Variants in VGLL2 observed in about 807,000 individuals in gnomAD.
The protein encoded by VGLL2 is vestigial like family member 2, also known as transcription cofactor vestigial-like protein 2.
Under a neutral mutation model 27.0 loss-of-function variants are expected in VGLL2, and 18 were observed. The observed-to-expected ratio is 0.67, with a 90% CI of 0.46 to 0.99. The LOEUF is 0.99. Among genes scored for constraint, VGLL2 ranks in the 50% least tolerant of loss-of-function variants. VGLL2 has a pLI of 0.00. For missense variants in VGLL2, 491 were observed against 452.3 expected, an observed-to-expected ratio of 1.09 and a Z score of -0.78; for synonymous variants, 220 against 201.1, an observed-to-expected ratio of 1.09 and a Z score of -0.80.
intron 1 of VGLL2, among the ~76,000 whole-genome samples, chr6:117,267,267 T>G (rs1773086189): frequency 6.6e-6 from 1 of 152,198 alleles, no homozygotes; most frequent in Non-Finnish European, 1.5e-5. Flanking sequence ...TAACACTTCA[T>G]TCAGTCCATT....
chr6:117,265,948 TC>T (rs2128516279), intron 1 of VGLL2, 104 bp downstream of exon 1: 2 of 1,100,070 alleles, frequency 1.8e-6, no homozygotes, highest in South Asian at 1.3e-5. Context: ...GTCTCGGGCG[TC>T]CGACCACGAC....
In VGLL2 at chr6:117,272,788, A is replaced by G; in HGVS notation, c.*294A>G. 1 of 468,748 alleles carries G rather than the reference A, an allele frequency of 2.1e-6. No homozygotes were observed. The highest frequency in any genetic ancestry group is 3.6e-5 in the East Asian group (1 of 27,848). 29.0% of individuals were successfully genotyped at this position (468,748 alleles called of 1,614,324 possible). A position where few individuals can be genotyped will look rare whatever the true frequency, so the allele number is the denominator to read the frequency against. On this transcript the variant is annotated 3_prime_UTR_variant, in exon 4 of 4. Transcript: ENST00000326274. ...GATGTGATATCATAAGCTTTCTTGG[A>G]ACGGGGGAAAGAAAATGAAACTTTT...
rs1373105529 is a variant in VGLL2, at chr6:117,270,544, C to G, written c.393C>G (p.Asp131Glu). The change falls in exon 3 of 4, where the codon GAC (aspartate) becomes GAG (glutamate). Residue 131 changes from aspartate to glutamate, a missense_variant and splice_region_variant. By Grantham distance (45) the Asp-to-Glu change is conservative. Coordinates refer to ENST00000326274, the MANE Select transcript of VGLL2 (RefSeq NM_182645.3). Reference sequence around the variant, plus strand: ...TCCGCCTCCCCGGCCGGCCTACAGACTGCTCCTTCCCGATGAGCCAGCGCA... The same window carrying G: ...TCCGCCTCCCCGGCCGGCCTACAGAGTGCTCCTTCCCGATGAGCCAGCGCA... The part of the protein sequence containing the change: ...KAPRSSGPWR[D>E]CSFPMSQRSF... The G allele has an allele frequency of 6.3e-7, 1 of 1,595,624 alleles. No homozygotes were observed. Among genetic ancestry groups the G allele is most frequent in the East Asian group, 2.3e-5 (1 of 43,192 alleles).
Position 117,270,779 on chromosome 6 carries a change from C to T in VGLL2, c.628C>T (p.Leu210=), listed in dbSNP as rs1251738500. 12 of 1,453,972 alleles carry T rather than the reference C, an allele frequency of 8.3e-6. No homozygotes were observed. The highest frequency in any genetic ancestry group is 1.1e-5 in the Non-Finnish European group (12 of 1,109,532). The allele number at this position is 1,453,972 out of a possible 1,614,324, so 90.1% of individuals were successfully genotyped here. The part of the protein sequence containing the change: ...HHAHPHHPYA[L]GGALGAQAAP... Reference sequence around the variant, plus strand: ...CGCGCACCCGCATCACCCCTACGCCCTGGGCGGCGCCCTCGGCGCCCAGGC... The same window carrying T: ...CGCGCACCCGCATCACCCCTACGCCTTGGGCGGCGCCCTCGGCGCCCAGGC... The change falls in exon 3 of 4, where the codon CTG becomes TTG. Residue 210 remains leucine, a synonymous_variant. Coordinates refer to ENST00000326274, the MANE Select transcript of VGLL2 (RefSeq NM_182645.3).
intron 3 of VGLL2, 60 bp downstream of exon 3, chr6:117,271,124 G>C (rs1773188650): frequency 1.7e-6 from 2 of 1,183,996 alleles, no homozygotes; most frequent in African/African-American, 1.6e-5. Flanking sequence ...CCGACCCTGG[G>C]CTGTGCCTAG....
rs1773162348 is a variant in VGLL2, at chr6:117,270,502, CTT to C, written c.392-38_392-37del. On this transcript the variant is annotated intron_variant, in intron 2 of 3. Coordinates refer to ENST00000326274, the MANE Select transcript of VGLL2 (RefSeq NM_182645.3). ...AGTCCAGCCGCAGTGACACGCACCT[CTT>C]TTCCTTTCCTCCACTCCGCCTCCCC... 1.9e-6 allele frequency: 3 copies of C among 1,538,778 alleles called. No homozygotes were observed. In the African/African-American group the frequency reaches 4.3e-5, roughly 22 times the overall value.
chr6:117,272,721 C>G lies in VGLL2; in HGVS notation c.*227C>G. On this transcript the variant is annotated 3_prime_UTR_variant, in exon 4 of 4. Transcript: ENST00000326274. ...TGAGTTATGTTTAATGACTTTTGGC[C>G]GAATCACTGGAAATATCTGTGGTGA... The G allele has an allele frequency of 1.7e-6, 1 of 584,184 alleles. No homozygotes were observed. Among genetic ancestry groups the G allele is most frequent in the Non-Finnish European group, 2.9e-6 (1 of 345,610 alleles). 36.2% of individuals were successfully genotyped at this position (584,184 alleles called of 1,614,324 possible).
intron 3 of VGLL2, among the ~76,000 whole-genome samples, chr6:117,271,312 A>G (rs945401680): frequency 7.1e-6 from 1 of 140,928 alleles, no homozygotes; most frequent in Non-Finnish European, 1.5e-5. Context: ...TAATAATAAT[A>G]ATAATAATAA....
intron 2 of VGLL2, among the ~76,000 whole-genome samples, chr6:117,270,067 G>T (rs1288646263): frequency 6.6e-6 from 1 of 152,118 alleles, no homozygotes; most frequent in Non-Finnish European, 1.5e-5. Context: ...AACGCGAGAG[G>T]GGGTAGTGAG....
Position 117,265,836 on chromosome 6 carries a change from TACC to T in VGLL2, c.78_80del (p.His26del). 1 of 1,613,922 alleles carries T rather than the reference TACC, an allele frequency of 6.2e-7. No homozygotes were observed. The highest frequency in any genetic ancestry group is 8.5e-7 in the Non-Finnish European group (1 of 1,179,794). Reference sequence around the variant, plus strand: ...CTACTTCGCAGCCGCCTACACCCCCTACCACCAGGTACGTGTCTCCTCTGGGGA... The same window carrying T: ...CTACTTCGCAGCCGCCTACACCCCCTACCAGGTACGTGTCTCCTCTGGGGA... On this transcript the variant is annotated inframe_deletion, in exon 1 of 4. Transcript: ENST00000326274.
At chr6:117,268,632 G>A (rs968189246) in intron 2 of VGLL2, 141 bp downstream of exon 2, 3 of 925,300 alleles carry the variant, frequency 3.2e-6, no homozygotes, top group African/African-American at 3.3e-5. Context: ...GAAAGGGTAA[G>A]GAAAACGCAG....
Position 117,268,251 on chromosome 6 carries a change from G to T in VGLL2, c.151G>T (p.Gly51Cys). The T allele has an allele frequency of 1.2e-6, 2 of 1,614,036 alleles. No homozygotes were observed. Among genetic ancestry groups the T allele is most frequent in the South Asian group, 2.2e-5 (2 of 91,074 alleles). Residue 51 changes from glycine (G) to cysteine (C), a missense_variant, in exon 2 of 4, where the codon GGC (glycine) becomes TGC (cysteine). Coordinates refer to ENST00000326274, the MANE Select transcript of VGLL2 (RefSeq NM_182645.3). ...TGCCAGCCCCAGCAGCAGTGGCAGCGGCAGCTCCTCATTTTCCAGCCAAAC... is the reference window on the plus strand; with the variant it reads ...TGCCAGCCCCAGCAGCAGTGGCAGCTGCAGCTCCTCATTTTCCAGCCAAAC... ...CNASPSSSGSGSSSFSSQTPA... is the reference protein window; with the variant it reads ...CNASPSSSGSCSSSFSSQTPA...
chr6:117,268,446 A>G lies in VGLL2; in HGVS notation c.346A>G (p.Ser116Gly), dbSNP rs1239483898. 1.2e-6 allele frequency: 2 copies of G among 1,613,824 alleles called. No individual in the cohort carries two copies. Among genetic ancestry groups the G allele is most frequent in the African/African-American group, 2.7e-5 (2 of 74,910 alleles). The change falls in exon 2 of 4, where the codon AGC (serine) becomes GGC (glycine). Residue 116 changes from serine to glycine, a missense_variant. Physicochemically the swap from Ser to Gly is moderately conservative, Grantham distance 56. Coordinates refer to ENST00000326274, the MANE Select transcript of VGLL2 (RefSeq NM_182645.3). ...GAGCCAACCCAGCAGCTACTCTCCT[A>G]GCTGTACCAGCAGCAAAGCACCAAG... ...ALSQPSSYSP[S>G]CTSSKAPRSS...
chr6:117,271,643 G>T (rs1412474650), intron 3 of VGLL2, among the ~76,000 whole-genome samples: 1 of 151,996 alleles, frequency 6.6e-6, no homozygotes, highest in African/African-American at 2.4e-5. Context: ...TTAGAATTAT[G>T]CTTATGGCTC....
intron 3 of VGLL2, among the ~76,000 whole-genome samples, chr6:117,271,306 AATAATAATAATAATAATG>A (rs915317428): frequency 7.2e-5 from 10 of 139,228 alleles, no homozygotes; most frequent in African/African-American, 2.8e-4. Flanking sequence ...AAATAATAAT[AATAATAATAATAATAATG>A]ATAATAATAA....
At chr6:117,268,741 C>G (rs1470561045) in intron 2 of VGLL2, among the ~76,000 whole-genome samples, 1 of 152,168 alleles carries the variant, frequency 6.6e-6, no homozygotes, top group Non-Finnish European at 1.5e-5. Context: ...CACTTCCTAG[C>G]AATATAACCT....
Position 117,270,914 on chromosome 6 carries a change from G to A in VGLL2, c.763G>A (p.Ala255Thr). ...CGCCTCGGGGCGCCCGGCCCGCCTC[G>A]CAACCGCCCCGGCGCCCGCGCCCGG... ...PAASGRPARL[A>T]TAPAPAPGSP... Residue 255 changes from alanine to threonine, a missense_variant, in exon 3 of 4, where the codon GCA becomes ACA. Transcript: ENST00000326274. 8.0e-7 allele frequency: 1 copy of A among 1,250,196 alleles called. No individual in the cohort carries two copies. Among genetic ancestry groups the A allele is most frequent in the Non-Finnish European group, 1.0e-6 (1 of 1,002,960 alleles). The allele number at this position is 1,250,196 out of a possible 1,614,324, so 77.4% of individuals were successfully genotyped here. A position where few individuals can be genotyped will look rare whatever the true frequency, so the allele number is the denominator to read the frequency against.
intron 3 of VGLL2, chr6:117,272,237 T>C: frequency 1.1e-6 from 1 of 874,258 alleles, no homozygotes; most frequent in Non-Finnish European, 1.4e-6. Context: ...TCCTTCTTCT[T>C]CTCTCTCTCC....
At chr6:117,271,567 G>C (rs1282078940) in intron 3 of VGLL2, among the ~76,000 whole-genome samples, 1 of 151,922 alleles carries the variant, frequency 6.6e-6, no homozygotes, top group Non-Finnish European at 1.5e-5. Flanking sequence ...TCAACACATT[G>C]CATATCGATT....
Sources: gnomAD v4.1 joint callset for allele counts (sites outside exome capture counted in the v4.1 genomes callset) on GRCh38, gnomAD v4.1.1 for gene constraint, MANE v1.5 for transcripts, NCBI Gene and HGNC (gene_info 2026-07-23, HGNC 2026-07-21) for gene names.